RAP1GDS1: variants seen among roughly 807,000 people sequenced by gnomAD.
The protein encoded by RAP1GDS1 is RAP1, GTP-GDP dissociation stimulator 1.
RAP1GDS1 carries 35 observed loss-of-function variants against 71.1 expected under a neutral mutation model. The ratio of observed to expected loss-of-function variants is 0.49; its 90% CI spans 0.38 to 0.65. The LOEUF (loss-of-function observed/expected upper bound fraction) is 0.65, where lower values mean the gene tolerates loss of function less well. Ranked by LOEUF, RAP1GDS1 falls within the 30% of genes least tolerant of loss-of-function variation. The pLI, the probability that RAP1GDS1 is intolerant of heterozygous loss-of-function variation, is 0.00. For synonymous variants in RAP1GDS1, 229 were observed against 243.1 expected, an observed-to-expected ratio of 0.94 and a Z score of 0.54; for missense variants, 663 against 706.1, an observed-to-expected ratio of 0.94 and a Z score of 0.69.
intron 2 of RAP1GDS1, among the ~76,000 whole-genome samples, chr4:98,317,841 CT>C (rs1560823602): frequency 2.1e-5 from 3 of 142,572 alleles, no homozygotes; most frequent in African/African-American, 8.0e-5. Context: ...TTTTTCTTTT[CT>C]TCTCTTTTTT....
chr4:98,343,233 T>C lies in RAP1GDS1; in HGVS notation c.207T>C (p.Ala69=), dbSNP rs1735751448. ...TPQSSCKAKV[A]NIIAEVAKNE... is the part of the protein sequence containing the mutation. ...AGTCTTCCTGCAAAGCCAAAGTAGCTAACATCATAGCAGAAGTAGCCAAAA... is the reference window on the plus strand; with the variant it reads ...AGTCTTCCTGCAAAGCCAAAGTAGCCAACATCATAGCAGAAGTAGCCAAAA... The change falls in exon 3 of 15, where the codon GCT becomes GCC. Residue 69 remains alanine, a synonymous_variant. Coordinates refer to ENST00000408927, the MANE Select transcript of RAP1GDS1 (RefSeq NM_001100427.2). 1.2e-6 allele frequency: 2 copies of C among 1,605,772 alleles called. No homozygotes were observed. The highest frequency in any genetic ancestry group is 2.2e-5 in the East Asian group (1 of 44,804).
intron 2 of RAP1GDS1, among the ~76,000 whole-genome samples, chr4:98,323,101 T>C (rs1732255864): frequency 6.6e-6 from 1 of 150,504 alleles, no homozygotes; most frequent in Non-Finnish European, 1.5e-5. Flanking sequence ...TCACCACCGA[T>C]CCCACAGAAA....
Position 98,433,920 on chromosome 4 carries a change from A to G in RAP1GDS1, c.1441-16A>G. 1 of 1,590,414 alleles carries G rather than the reference A, an allele frequency of 6.3e-7. No individual in the cohort carries two copies. The highest frequency in any genetic ancestry group is 8.6e-7 in the Non-Finnish European group (1 of 1,160,532). On this transcript the variant is annotated splice_polypyrimidine_tract_variant and intron_variant, in intron 12 of 14. Coordinates refer to ENST00000408927, the MANE Select transcript of RAP1GDS1 (RefSeq NM_001100427.2). The stretch of plus-strand genomic sequence containing the variant: ...TAAAATTAAAGTCTATAATTCTCTG[A>G]TATTATTTATTGTAGGATGTAATTA...
intron 2 of RAP1GDS1, among the ~76,000 whole-genome samples, chr4:98,311,223 T>G (rs1730169293): frequency 6.6e-6 from 1 of 152,182 alleles, no homozygotes; most frequent in South Asian, 2.1e-4. Flanking sequence ...TTCACACAAT[T>G]TGTTATCGGG....
At chr4:98,423,917 A>G (rs1302247986) in intron 12 of RAP1GDS1, among the ~76,000 whole-genome samples, 1 of 152,194 alleles carries the variant, frequency 6.6e-6, no homozygotes, top group Admixed American at 6.6e-5. Context: ...AAAAATATAT[A>G]TGAGAGTTGA....
chr4:98,332,689 A>G (rs1421121070), intron 2 of RAP1GDS1, among the ~76,000 whole-genome samples: 1 of 152,202 alleles, frequency 6.6e-6, no homozygotes, highest in African/African-American at 2.4e-5. Flanking sequence ...CAGCATTTCC[A>G]ACTTGAAACT....
chr4:98,307,009 A>G (rs1452889648), intron 2 of RAP1GDS1, among the ~76,000 whole-genome samples: 1 of 152,080 alleles, frequency 6.6e-6, no homozygotes, highest in Non-Finnish European at 1.5e-5. Flanking sequence ...AATTTAGTGA[A>G]TCATTTTTTT....
intron 14 of RAP1GDS1, among the ~76,000 whole-genome samples, chr4:98,437,922 A>G (rs868381980): frequency 2.2e-4 from 34 of 151,980 alleles, no homozygotes; most frequent in African/African-American, 8.2e-4. Flanking sequence ...GTACTGTTGT[A>G]TAAATGTGAA....
intron 1 of RAP1GDS1, among the ~76,000 whole-genome samples, chr4:98,276,330 T>G (rs1724195729): frequency 6.6e-6 from 1 of 152,128 alleles, no homozygotes; most frequent in Admixed American, 6.6e-5. Flanking sequence ...ACACAAACAT[T>G]CCATCTATAA....
chr4:98,300,676 C>CGT (rs928067226), intron 2 of RAP1GDS1, among the ~76,000 whole-genome samples: 14 of 152,120 alleles, frequency 9.2e-5, no homozygotes, highest in Non-Finnish European at 1.8e-4. Flanking sequence ...GCTAGGATTA[C>CGT]AAGCATGAGC....
chr4:98,354,714 AT>A, intron 4 of RAP1GDS1, among the ~76,000 whole-genome samples: 1 of 152,066 alleles, frequency 6.6e-6, no homozygotes. Context: ...TATGAAGTTA[AT>A]TTTTTTCATT....
chr4:98,283,671 G>A (rs754273403), intron 1 of RAP1GDS1, among the ~76,000 whole-genome samples: 4 of 151,934 alleles, frequency 2.6e-5, no homozygotes, highest in African/African-American at 9.7e-5. Flanking sequence ...ACATATATAA[G>A]TGTTCATTAC....
intron 1 of RAP1GDS1, among the ~76,000 whole-genome samples, chr4:98,270,155 C>T (rs955601661): frequency 2.4e-4 from 36 of 152,116 alleles, no homozygotes; most frequent in Non-Finnish European, 1.3e-4. Flanking sequence ...CTGGTAAGCT[C>T]TTTTTATAAT....
At chr4:98,429,180 C>T (rs978626091) in intron 12 of RAP1GDS1, among the ~76,000 whole-genome samples, 2 of 151,858 alleles carry the variant, frequency 1.3e-5, no homozygotes, top group African/African-American at 4.8e-5. Flanking sequence ...ATGGCGTGAA[C>T]CCGGGAGGTG....
At chr4:98,332,225 T>C (rs1488534867) in intron 2 of RAP1GDS1, among the ~76,000 whole-genome samples, 3 of 152,152 alleles carry the variant, frequency 2.0e-5, no homozygotes, top group Admixed American at 2.0e-4. Context: ...CTACACCTTA[T>C]TATAGAGGAA....
At chr4:98,416,514 T>C (rs1748046789) in intron 7 of RAP1GDS1, among the ~76,000 whole-genome samples, 1 of 150,422 alleles carries the variant, frequency 6.6e-6, no homozygotes, top group Non-Finnish European at 1.5e-5. Flanking sequence ...ACCTGGCTAA[T>C]TTTTTTTTGT....
intron 2 of RAP1GDS1, among the ~76,000 whole-genome samples, chr4:98,320,394 C>G (rs1456748622): frequency 6.6e-6 from 1 of 152,106 alleles, no homozygotes; most frequent in Non-Finnish European, 1.5e-5. Context: ...GAAAATGTCC[C>G]CGTTACGTGA....
chr4:98,324,321 A>G (rs530772299), intron 2 of RAP1GDS1, among the ~76,000 whole-genome samples: 5 of 152,254 alleles, frequency 3.3e-5, no homozygotes, highest in Non-Finnish European at 5.9e-5. Context: ...GGAAGAATCA[A>G]TATCGTGAAA....
chr4:98,372,570 C>T (rs1024861075), intron 4 of RAP1GDS1, among the ~76,000 whole-genome samples: 1 of 152,214 alleles, frequency 6.6e-6, no homozygotes, highest in Non-Finnish European at 1.5e-5. Context: ...TATTATGTCA[C>T]ATTAATTTAA....
Sources: allele counts gnomAD v4.1 joint callset (sites outside exome capture counted in the v4.1 genomes callset), GRCh38; gene constraint gnomAD v4.1.1; transcripts MANE v1.5; gene names NCBI Gene and HGNC (gene_info 2026-07-23, HGNC 2026-07-21).